The following PCM1 variants were observed in gnomAD, a reference collection of about 807,000 sequenced individuals.
PCM1 encodes pericentriolar material 1 protein.
PCM1 carries 157 observed loss-of-function variants against 241.9 expected under a neutral mutation model. The observed-to-expected ratio is 0.65, with a 90% CI of 0.57 to 0.74. The LOEUF is 0.74. Ranked by LOEUF, PCM1 falls within the 30% of genes least tolerant of loss-of-function variation. PCM1 has a pLI of 0.00. For synonymous variants in PCM1, 1,085 were observed against 784.9 expected (o/e 1.38, Z -6.39); for missense variants, 3,478 against 2,360.1 (o/e 1.47, Z -9.81).
intron 36 of PCM1, 34 bp from the exon 37 acceptor site, chr8:18,025,325 CTA>C: frequency 9.2e-7 from 1 of 1,089,110 alleles, no homozygotes; most frequent in Middle Eastern, 2.1e-4. Context: ...TGGTTTGGAT[CTA>C]GAGTATGTAT....
chr8:17,965,375 C>G (rs208056), intron 18 of PCM1, among the ~76,000 whole-genome samples: 1 of 152,200 alleles, frequency 6.6e-6, no homozygotes, highest in East Asian at 1.9e-4. Context: ...GGGCTTGTTA[C>G]GGATAACAAA....
At chr8:17,949,995 T>C (rs542748532) in intron 7 of PCM1, among the ~76,000 whole-genome samples, 19 of 152,292 alleles carry the variant, frequency 1.2e-4, no homozygotes, top group Middle Eastern at 3.4e-3. Context: ...CAATAAATTA[T>C]CCATTTTACT....
At chr8:17,942,227 A>G (rs61268255) in intron 6 of PCM1, among the ~76,000 whole-genome samples, 39,935 of 152,024 alleles carry the variant, frequency 0.26, 6,348 homozygotes, top group African/African-American at 0.45. Context: ...AGCACTTTGG[A>G]AGACTGAGGT....
chr8:17,940,249 A>C (rs10091117), intron 6 of PCM1: 2 of 670,666 alleles, frequency 3.0e-6, no homozygotes, highest in Non-Finnish European at 5.2e-6. Flanking sequence ...GGCGTTCCTT[A>C]ATGAAAAGTG....
At position 18,029,591 on chromosome 8, in the gene PCM1, G is replaced by A. The variant is rs895753291; in HGVS notation, c.*1929G>A. ...CCTTATCAAAATTGCTTATTTGACT[G>A]GTGTTACAGCTGCTATTAATCTAAG... On this transcript the variant is annotated 3_prime_UTR_variant, in exon 39 of 39. Transcript: ENST00000325083. 4 of 204,916 alleles carry A rather than the reference G, an allele frequency of 2.0e-5. No homozygotes were observed. Among genetic ancestry groups the A allele is most frequent in the Admixed American group, 1.2e-4 (2 of 16,838 alleles). 12.7% of individuals were successfully genotyped at this position (204,916 alleles called of 1,614,324 possible).
chr8:17,957,469 A>T (rs752549048), intron 12 of PCM1, 48 bp downstream of exon 12: 26 of 1,607,162 alleles, frequency 1.6e-5, no homozygotes, highest in African/African-American at 1.2e-4. Flanking sequence ...TATTCTTACA[A>T]AGTGGGTTTT....
chr8:17,996,011 T>C (rs1031647360), intron 29 of PCM1, among the ~76,000 whole-genome samples: 2 of 152,194 alleles, frequency 1.3e-5, no homozygotes, highest in Non-Finnish European at 2.9e-5. Flanking sequence ...CCTTTCCAGT[T>C]TGGATCCCCT....
intron 38 of PCM1, among the ~76,000 whole-genome samples, chr8:18,025,860 G>A (rs1459404480): frequency 1.3e-5 from 2 of 152,010 alleles, no homozygotes; most frequent in Non-Finnish European, 2.9e-5. Flanking sequence ...CACATCTTTA[G>A]TTTTAAAAAA....
Position 17,957,316 on chromosome 8 carries a change from C to T in PCM1, c.1699C>T (p.Gln567Ter). 1 of 1,611,094 alleles carries T rather than the reference C, an allele frequency of 6.2e-7. No homozygotes were observed. Among genetic ancestry groups the T allele is most frequent in the Non-Finnish European group, 8.5e-7 (1 of 1,177,734 alleles). ...TGAAGTAAATAGTCATAGTAATGCACAGTGTGTTTCTAATAATAGAGATGG... is the reference window on the plus strand; with the variant it reads ...TGAAGTAAATAGTCATAGTAATGCATAGTGTGTTTCTAATAATAGAGATGG... ...WNEVNSHSNA[Q>*]CVSNNRDGRT... is the part of the protein sequence containing the mutation. Residue 567 changes from glutamine to a stop codon, truncating the protein, a stop_gained, in exon 12 of 39, where the codon CAG (glutamine) becomes TAG (stop). Coordinates refer to ENST00000325083, the MANE Select transcript of PCM1 (RefSeq NM_006197.4). LOFTEE classifies it high-confidence loss of function.
intron 30 of PCM1, among the ~76,000 whole-genome samples, chr8:18,007,502 T>G (rs2091651445): frequency 1.3e-5 from 2 of 152,212 alleles, no homozygotes; most frequent in African/African-American, 4.8e-5. Flanking sequence ...TTTAAATATT[T>G]TTTATCAAGA....
intron 23 of PCM1, among the ~76,000 whole-genome samples, chr8:17,977,413 G>T (rs1447852254): frequency 6.6e-6 from 1 of 151,984 alleles, no homozygotes; most frequent in Non-Finnish European, 1.5e-5. Context: ...AATCTAGATG[G>T]GATATCACAG....
chr8:17,969,856 G>T, intron 22 of PCM1, 108 bp downstream of exon 22: 2 of 815,698 alleles, frequency 2.5e-6, no homozygotes, highest in Non-Finnish European at 3.9e-6. Flanking sequence ...TGATGATTTG[G>T]CTTGATGATG....
intron 24 of PCM1, chr8:17,983,174 C>T (rs1377841203): frequency 4.9e-6 from 4 of 814,666 alleles, no homozygotes; most frequent in South Asian, 1.7e-5. Flanking sequence ...TGTTATAGAC[C>T]CTGTCTTTAC....
chr8:17,943,180 AT>A (rs5889755), intron 6 of PCM1, among the ~76,000 whole-genome samples: 1,577 of 131,654 alleles, frequency 0.012, 12 homozygotes, highest in Non-Finnish European at 0.013. Context: ...GGTTTGTTGT[AT>A]TTTTTTTTTT....
At chr8:17,974,129 A>G (rs1466535859) in intron 23 of PCM1, among the ~76,000 whole-genome samples, 1 of 152,198 alleles carries the variant, frequency 6.6e-6, no homozygotes, top group Non-Finnish European at 1.5e-5. Context: ...GCCTTGAAGT[A>G]ATTTTCTGGT....
chr8:17,958,252 A>G lies in PCM1; in HGVS notation c.2040+477A>G, dbSNP rs183720134. ...TTGCCGAAGTTTATATGACTGTCCA[A>G]TCCAGAATTCAGACTTCCTGATACC... is the stretch of plus-strand genomic sequence containing the variant. On this transcript the variant is annotated intron_variant, in intron 13 of 38. Transcript: ENST00000325083. Among the ~76,000 whole-genome samples the G allele has an allele frequency of 9.2e-5, 14 of 152,316 alleles. 1 individual carries two copies. The highest frequency in any genetic ancestry group is 9.2e-4 in the Admixed American group (14 of 15,296).
rs755806501 is a variant in PCM1, at chr8:17,950,647, G to A, written c.994G>A (p.Val332Ile). ...VAETAGSLSGVSITSELNEEL... is the reference protein window; with the variant it reads ...VAETAGSLSGISITSELNEEL... Reference sequence around the variant, plus strand: ...AGAAACTGCAGGTAGCTTATCTGGCGTCAGTATCACATCTGAACTAAATGA... The same window carrying A: ...AGAAACTGCAGGTAGCTTATCTGGCATCAGTATCACATCTGAACTAAATGA... Residue 332 changes from valine (V) to isoleucine (I), a missense_variant, in exon 8 of 39, where the codon GTC becomes ATC. Val to Ile is a conservative substitution (Grantham distance 29, BLOSUM62 3). Transcript: ENST00000325083. The A allele has an allele frequency of 2.7e-5, 44 of 1,604,392 alleles. No homozygotes were observed. Among genetic ancestry groups the A allele is most frequent in the Non-Finnish European group, 3.2e-5 (37 of 1,174,190 alleles).
rs372145158 is a variant in PCM1 at position 17,952,999 on chromosome 8, G to A, written c.1101G>A (p.Gln367=). 6.2e-7 allele frequency: 1 copy of A among 1,603,012 alleles called. No homozygotes were observed. The highest frequency in any genetic ancestry group is 1.1e-5 in the South Asian group (1 of 88,970). ...CAGCTGTTCCAGACAATAGAAGACA[G>A]GCAGAAAGTCTTTCATTAACTAGGG... ...QPPAVPDNRR[Q]AESLSLTREV... is the part of the protein sequence containing the mutation. The change falls in exon 9 of 39, where the codon CAG becomes CAA. Residue 367 remains glutamine, a synonymous_variant. Transcript: ENST00000325083.
chr8:17,971,257 A>C (rs1188382402), intron 22 of PCM1, among the ~76,000 whole-genome samples: 2 of 152,230 alleles, frequency 1.3e-5, no homozygotes, highest in Non-Finnish European at 2.9e-5. Flanking sequence ...ACAGGTTTCT[A>C]ACCCTTGTCT....
Sources: allele counts gnomAD v4.1 joint callset (sites outside exome capture counted in the v4.1 genomes callset), GRCh38; gene constraint gnomAD v4.1.1; transcripts MANE v1.5; gene names NCBI Gene and HGNC (gene_info 2026-07-23, HGNC 2026-07-21).